SNX29: variants seen among roughly 807,000 people sequenced by gnomAD.
The protein encoded by SNX29 is sorting nexin-29.
Under a neutral mutation model 102.1 loss-of-function variants are expected in SNX29, and 78 were observed. That is an observed-to-expected ratio of 0.76 (90% confidence interval 0.64 to 0.92). SNX29 has a LOEUF of 0.92. Ranked by LOEUF, SNX29 falls within the 40% of genes least tolerant of loss-of-function variation. The pLI is 0.00. For synonymous variants in SNX29, 580 were observed against 414.5 expected (o/e 1.40, Z -4.85); for missense variants, 1,280 against 1,061.7 (o/e 1.21, Z -2.86).
intron 20 of SNX29, among the ~76,000 whole-genome samples, chr16:12,562,699 G>C (rs141655830): frequency 6.6e-6 from 1 of 152,158 alleles, no homozygotes; most frequent in Non-Finnish European, 1.5e-5. Flanking sequence ...CTTTGGAGTC[G>C]AGATTGAAGC....
intron 13 of SNX29, among the ~76,000 whole-genome samples, chr16:12,144,459 G>A (rs961255368): frequency 2.0e-5 from 3 of 152,308 alleles, no homozygotes; most frequent in Middle Eastern, 3.4e-3. Flanking sequence ...CCACCTGAGA[G>A]GTGATTAGAC....
chr16:12,110,281 G>A (rs997282147), intron 11 of SNX29, among the ~76,000 whole-genome samples: 1 of 152,086 alleles, frequency 6.6e-6, no homozygotes, highest in Non-Finnish European at 1.5e-5. Flanking sequence ...TATTTCCTGG[G>A]GTGAGGCAGC....
At chr16:12,345,562 G>A (rs1013830308) in intron 15 of SNX29, among the ~76,000 whole-genome samples, 1 of 152,172 alleles carries the variant, frequency 6.6e-6, no homozygotes, top group Non-Finnish European at 1.5e-5. Flanking sequence ...CATACATGAC[G>A]TACTTGACAT....
At chr16:12,306,634 C>T (rs932297180) in intron 15 of SNX29, among the ~76,000 whole-genome samples, 2 of 152,200 alleles carry the variant, frequency 1.3e-5, no homozygotes, top group African/African-American at 4.8e-5. Flanking sequence ...AGGCAACTTT[C>T]AAGTTTAATG....
rs898163273 is a variant in SNX29 at position 12,196,847 on chromosome 16, T to C, written c.1596-2754T>C. The stretch of plus-strand genomic sequence containing the variant: ...TGTTGGCCAGGCTGATCTCAAACTC[T>C]TGGCCTCACGTGATCCACCCACCTC... On this transcript the variant is annotated intron_variant, in intron 13 of 20. Coordinates refer to ENST00000566228, the MANE Select transcript of SNX29 (RefSeq NM_032167.5). 6.6e-5 allele frequency among the ~76,000 whole-genome samples: 10 copies of C among 152,196 alleles called. No individual in the cohort carries two copies. The East Asian group carries it at 1.7e-3, about 27-fold the overall frequency.
intron 5 of SNX29, among the ~76,000 whole-genome samples, chr16:12,045,400 G>A (rs1244227534): frequency 8.1e-6 from 1 of 124,190 alleles, no homozygotes; most frequent in African/African-American, 2.8e-5. Flanking sequence ...TACTTAACAG[G>A]AAGACAGAGA....
At chr16:12,095,380 C>G (rs1320925986) in intron 11 of SNX29, 1 of 152,210 alleles carries the variant, frequency 6.6e-6, no homozygotes, top group Admixed American at 6.5e-5. Flanking sequence ...GCGCCCTAGT[C>G]TTTTCTCTGC....
At chr16:12,394,575 G>C (rs144579561) in intron 16 of SNX29, among the ~76,000 whole-genome samples, 2 of 152,276 alleles carry the variant, frequency 1.3e-5, no homozygotes, top group East Asian at 3.9e-4. Context: ...ACGTCATGTG[G>C]TGTCGACCAG....
At chr16:12,549,003 G>A (rs557798708) in intron 20 of SNX29, among the ~76,000 whole-genome samples, 8 of 152,314 alleles carry the variant, frequency 5.3e-5, no homozygotes, top group East Asian at 3.9e-4. Context: ...CTTTGGGTCC[G>A]TTGTAACAGC....
At chr16:12,547,457 C>T (rs923755478) in intron 20 of SNX29, among the ~76,000 whole-genome samples, 14 of 152,056 alleles carry the variant, frequency 9.2e-5, no homozygotes, top group Admixed American at 7.2e-4. Context: ...CCTCAGGCAG[C>T]CTGGGAAGGG....
At chr16:12,541,713 TTCCTGTCACC>T (rs1392366249) in intron 20 of SNX29, among the ~76,000 whole-genome samples, 1 of 152,116 alleles carries the variant, frequency 6.6e-6, no homozygotes. Flanking sequence ...GGGTTCCTGA[TTCCTGTCACC>T]TCCTGTCTTT....
chr16:12,499,862 A>G (rs1387506346), intron 19 of SNX29, among the ~76,000 whole-genome samples: 2 of 152,062 alleles, frequency 1.3e-5, no homozygotes, highest in African/African-American at 2.4e-5. Flanking sequence ...TTTTTTGTAG[A>G]GACAGGGCTT....
At chr16:12,549,652 C>T (rs142010149) in intron 20 of SNX29, among the ~76,000 whole-genome samples, 5 of 152,230 alleles carry the variant, frequency 3.3e-5, no homozygotes, top group Non-Finnish European at 5.9e-5. Context: ...GCTGCCGAAA[C>T]CAGCTTGAGG....
rs66825746 is a variant in SNX29 at position 12,557,015 on chromosome 16, A to ACACCCCCCCCCCC, written c.2319-11490_2319-11489insACCCCCCCCCCCC. ...GGTACACACCACATCTGGCTAATTT[A>ACACCCCCCCCCCC]CCCCCCCCCCGCCCCAAGATGAGGT... On this transcript the variant is annotated intron_variant, in intron 20 of 20. Coordinates refer to ENST00000566228, the MANE Select transcript of SNX29 (RefSeq NM_032167.5). Among the ~76,000 whole-genome samples, 90 of 31,828 alleles carry ACACCCCCCCCCCC rather than the reference A, an allele frequency of 2.8e-3. 21 individuals are homozygous for ACACCCCCCCCCCC. Among genetic ancestry groups the ACACCCCCCCCCCC allele is most frequent in the African/African-American group, 3.5e-3 (26 of 7,350 alleles). The allele number at this position is 31,828 out of a possible 152,430, so 20.9% of individuals were successfully genotyped here.
At chr16:12,020,624 T>G (rs1240423657) in intron 3 of SNX29, among the ~76,000 whole-genome samples, 2 of 151,388 alleles carry the variant, frequency 1.3e-5, no homozygotes, top group African/African-American at 4.9e-5. Flanking sequence ...AGCTCATGGC[T>G]CATTTTTTTT....
chr16:12,059,955 T>C (rs768029711), intron 8 of SNX29, among the ~76,000 whole-genome samples: 44 of 152,148 alleles, frequency 2.9e-4, no homozygotes, highest in Admixed American at 4.6e-4. Context: ...TTGCCTCCCT[T>C]CCCTTTGTCT....
At chr16:12,512,360 C>T (rs1473780092) in intron 19 of SNX29, among the ~76,000 whole-genome samples, 1 of 96,696 alleles carries the variant, frequency 1.0e-5, no homozygotes, top group Non-Finnish European at 2.1e-5. Flanking sequence ...TCATGGAAGG[C>T]CCAGGGAAAA....
In SNX29 at chr16:12,277,865, T is replaced by C. The variant is rs567226478; in HGVS notation, c.1679-68T>C. 2.2e-5 allele frequency: 31 copies of C among 1,421,932 alleles called. 1 individual carries two copies. The South Asian group carries it at 3.9e-4, about 18-fold the overall frequency. 88.1% of individuals were successfully genotyped at this position (1,421,932 alleles called of 1,614,324 possible). A position where few individuals can be genotyped will look rare whatever the true frequency, so the allele number is the denominator to read the frequency against. On this transcript the variant is annotated intron_variant, in intron 14 of 20. Coordinates refer to ENST00000566228, the MANE Select transcript of SNX29 (RefSeq NM_032167.5). ...TCATCTGAGAAAGAAGAATTTTTTCTTTTTTTACTGGGAGAATAATTTTCG... is the reference window on the plus strand; with the variant it reads ...TCATCTGAGAAAGAAGAATTTTTTCCTTTTTTACTGGGAGAATAATTTTCG...
Position 12,496,085 on chromosome 16 carries a change from A to G in SNX29, c.2178+18226A>G, listed in dbSNP as rs182448140. On this transcript the variant is annotated intron_variant, in intron 19 of 20. Transcript: ENST00000566228. Reference sequence around the variant, plus strand: ...TGCAGGTTTCAGTGAGCGCAGAGGTACTGAGAACTGAGAGGGGAATCAGCA... The same window carrying G: ...TGCAGGTTTCAGTGAGCGCAGAGGTGCTGAGAACTGAGAGGGGAATCAGCA... Among the ~76,000 whole-genome samples the G allele has an allele frequency of 2.0e-4, 30 of 152,278 alleles. 1 individual carries two copies. Among genetic ancestry groups the G allele is most frequent in the Non-Finnish European group, 3.7e-4 (25 of 68,024 alleles).
Sources: gnomAD v4.1 joint callset for allele counts (sites outside exome capture counted in the v4.1 genomes callset) on GRCh38, gnomAD v4.1.1 for gene constraint, MANE v1.5 for transcripts, NCBI Gene and HGNC (gene_info 2026-07-23, HGNC 2026-07-21) for gene names.